SLC9A9: variants seen among roughly 807,000 people sequenced by gnomAD.
The protein encoded by SLC9A9 is sodium/hydrogen exchanger 9.
Under a neutral mutation model 77.8 loss-of-function variants are expected in SLC9A9, and 62 were observed. The ratio of observed to expected loss-of-function variants is 0.80; its 90% CI spans 0.65 to 0.98. The LOEUF (loss-of-function observed/expected upper bound fraction) is 0.98, where lower values mean the gene tolerates loss of function less well. Ranked by LOEUF, SLC9A9 falls within the 50% of genes least tolerant of loss-of-function variation. The pLI is 0.00. For synonymous variants in SLC9A9, 320 were observed against 283.5 expected, an observed-to-expected ratio of 1.13 and a Z score of -1.29; for missense variants, 775 against 774.9, an observed-to-expected ratio of 1.00 and a Z score of 0.00.
intron 4 of SLC9A9, among the ~76,000 whole-genome samples, chr3:143,793,880 T>TG (rs1355233783): frequency 6.6e-6 from 1 of 152,200 alleles, no homozygotes; most frequent in Non-Finnish European, 1.5e-5. Context: ...AAGTACCCTG[T>TG]GTCTCTCAGG....
intron 4 of SLC9A9, among the ~76,000 whole-genome samples, chr3:143,753,645 C>T (rs1430196765): frequency 1.3e-5 from 2 of 152,098 alleles, no homozygotes; most frequent in South Asian, 2.1e-4. Context: ...CTGTAGCAGG[C>T]CAGGATCTGA....
intron 11 of SLC9A9, among the ~76,000 whole-genome samples, chr3:143,478,112 T>A (rs1203182345): frequency 6.6e-6 from 1 of 152,146 alleles, no homozygotes; most frequent in East Asian, 1.9e-4. Flanking sequence ...GAAACTTCCA[T>A]CTCCTTGGGC....
intron 12 of SLC9A9, among the ~76,000 whole-genome samples, chr3:143,389,209 G>T (rs561738966): frequency 3.4e-4 from 51 of 152,044 alleles, no homozygotes; most frequent in Non-Finnish European, 6.5e-4. Flanking sequence ...ATCACTGGAG[G>T]TATACATTGT....
rs143922122 is a variant in SLC9A9 at position 143,518,952 on chromosome 3, T to C, written c.1090-23504A>G. 9.0e-3 allele frequency among the ~76,000 whole-genome samples: 1,375 copies of C among 152,334 alleles called. 6 individuals are homozygous for C. Among genetic ancestry groups the C allele is most frequent in the South Asian group, 0.026 (125 of 4,822 alleles). ...CACAACAACATTTCTACCTGTAGTA[T>C]GTAAACAAATGTTCCAGCTGCTCCA... On this transcript the variant is annotated intron_variant, in intron 9 of 15. Coordinates refer to ENST00000316549, the MANE Select transcript of SLC9A9 (RefSeq NM_173653.4).
chr3:143,298,363 G>A lies in SLC9A9; in HGVS notation c.1605-29383C>T, dbSNP rs563029273. On this transcript the variant is annotated intron_variant, in intron 14 of 15. Transcript: ENST00000316549. Reference sequence around the variant, plus strand: ...CCTATGATTGAGTGAGCCAGTGACCGTTTTGTTCTCCTTGTTGGATCATAG... The same window carrying A: ...CCTATGATTGAGTGAGCCAGTGACCATTTTGTTCTCCTTGTTGGATCATAG... Among the ~76,000 whole-genome samples, 22 of 152,312 alleles carry A rather than the reference G, an allele frequency of 1.4e-4. 1 individual carries two copies. In the South Asian group the frequency reaches 1.4e-3, roughly 10 times the overall value.
At chr3:143,697,157 T>A (rs1316912921) in intron 4 of SLC9A9, among the ~76,000 whole-genome samples, 1 of 151,516 alleles carries the variant, frequency 6.6e-6, no homozygotes, top group Non-Finnish European at 1.5e-5. Flanking sequence ...GAAAAATAAA[T>A]TGATAACACA....
intron 4 of SLC9A9, among the ~76,000 whole-genome samples, chr3:143,732,692 A>G (rs866014633): frequency 2.0e-5 from 3 of 151,134 alleles, no homozygotes; most frequent in Admixed American, 6.6e-5. Flanking sequence ...GTCCATCTAA[A>G]TACTTTATTA....
chr3:143,531,965 C>A (rs568210435), intron 9 of SLC9A9, among the ~76,000 whole-genome samples: 1 of 152,108 alleles, frequency 6.6e-6, no homozygotes, highest in Non-Finnish European at 1.5e-5. Flanking sequence ...CTACATAATG[C>A]GTGATAATCA....
intron 1 of SLC9A9, among the ~76,000 whole-genome samples, chr3:143,842,160 C>T (rs1186985260): frequency 1.3e-5 from 2 of 152,074 alleles, no homozygotes; most frequent in East Asian, 3.9e-4. Flanking sequence ...GCAGGCAGAT[C>T]ACGAGGTCAG....
chr3:143,792,252 T>C (rs1156272519), intron 4 of SLC9A9, among the ~76,000 whole-genome samples: 29 of 152,256 alleles, frequency 1.9e-4, no homozygotes, highest in Non-Finnish European at 4.4e-5. Context: ...CCAGTCACTT[T>C]CTATAGTTTG....
intron 4 of SLC9A9, among the ~76,000 whole-genome samples, chr3:143,711,702 G>A (rs1390084202): frequency 1.3e-5 from 2 of 151,702 alleles, no homozygotes; most frequent in Non-Finnish European, 2.9e-5. Flanking sequence ...TGGGATTATA[G>A]GCATGAGCCA....
intron 11 of SLC9A9, among the ~76,000 whole-genome samples, chr3:143,488,639 G>C (rs2108586831): frequency 6.6e-6 from 1 of 151,976 alleles, no homozygotes; most frequent in Middle Eastern, 3.4e-3. Flanking sequence ...CAGCATGAAG[G>C]AGAAAAGTAC....
At chr3:143,337,511 T>C (rs1458218077) in intron 14 of SLC9A9, among the ~76,000 whole-genome samples, 1 of 152,232 alleles carries the variant, frequency 6.6e-6, no homozygotes, top group Non-Finnish European at 1.5e-5. Context: ...TACTTGAATC[T>C]GGCAGAGCAG....
intron 14 of SLC9A9, among the ~76,000 whole-genome samples, chr3:143,335,183 C>T (rs949551271): frequency 3.9e-5 from 6 of 152,068 alleles, no homozygotes; most frequent in African/African-American, 1.2e-4. Flanking sequence ...ATTAAGAAAA[C>T]AATCCCATTT....
At chr3:143,449,983 T>TATATATACATA (rs1221813339) in intron 12 of SLC9A9, among the ~76,000 whole-genome samples, 1 of 59,212 alleles carries the variant, frequency 1.7e-5, no homozygotes, top group African/African-American at 1.2e-4. Flanking sequence ...ATATATTATA[T>TATATATACATA]GTATATATAC....
intron 2 of SLC9A9, among the ~76,000 whole-genome samples, chr3:143,813,222 T>C (rs1292811684): frequency 2.0e-5 from 3 of 151,986 alleles, no homozygotes; most frequent in Non-Finnish European, 4.4e-5. Flanking sequence ...TGAGGCTAAA[T>C]TGGAAGGAAA....
At chr3:143,690,549 A>G (rs369299018) in intron 5 of SLC9A9, among the ~76,000 whole-genome samples, 5 of 152,284 alleles carry the variant, frequency 3.3e-5, no homozygotes, top group African/African-American at 7.2e-5. Flanking sequence ...CAAGAAACCT[A>G]TCAAAAACTG....
chr3:143,334,832 A>T lies in SLC9A9; in HGVS notation c.1604+28652T>A, dbSNP rs193064813. Among the ~76,000 whole-genome samples the T allele has an allele frequency of 2.4e-3, 372 of 152,330 alleles. 1 individual carries two copies. Among genetic ancestry groups the T allele is most frequent in the African/African-American group, 8.7e-3 (360 of 41,566 alleles). On this transcript the variant is annotated intron_variant, in intron 14 of 15. Coordinates refer to ENST00000316549, the MANE Select transcript of SLC9A9 (RefSeq NM_173653.4). ...GATATGCCTAATGAGAAGACTATGT[A>T]ATGCATTTCAGAAAACTTTCCAAAT...
intron 14 of SLC9A9, among the ~76,000 whole-genome samples, chr3:143,329,929 A>AT (rs1303193946): frequency 1.3e-5 from 2 of 151,986 alleles, no homozygotes; most frequent in Admixed American, 6.6e-5. Context: ...GCTGACTTGT[A>AT]TTTTTTTCTC....
Sources: gnomAD v4.1 joint callset for allele counts (sites outside exome capture counted in the v4.1 genomes callset) on GRCh38, gnomAD v4.1.1 for gene constraint, MANE v1.5 for transcripts, NCBI Gene and HGNC (gene_info 2026-07-23, HGNC 2026-07-21) for gene names.